ETFBKMT: variants seen among roughly 807,000 people sequenced by gnomAD.
The protein encoded by ETFBKMT is electron transfer flavoprotein subunit beta lysine methyltransferase.
In ETFBKMT, 13 loss-of-function variants were observed where a neutral mutation model predicts 18.3. The ratio of observed to expected loss-of-function variants is 0.71; its 90% CI spans 0.46 to 1.13. The LOEUF is 1.13. Among genes scored for constraint, ETFBKMT ranks in the 50% most tolerant of loss-of-function variants. The pLI, the probability that ETFBKMT is intolerant of heterozygous loss-of-function variation, is 0.00. For missense variants in ETFBKMT, 293 were observed against 306.2 expected, an observed-to-expected ratio of 0.96 and a Z score of 0.32; for synonymous variants, 84 against 107.9, an observed-to-expected ratio of 0.78 and a Z score of 1.37.
intron 1 of ETFBKMT, among the ~76,000 whole-genome samples, chr12:31,648,568 T>C (rs1395329226): frequency 9.6e-6 from 1 of 104,544 alleles, no homozygotes; most frequent in African/African-American, 2.9e-5. Flanking sequence ...TTTTTTTTTT[T>C]TTTTTTTTTT....
At chr12:31,660,350 T>C (rs1951107091) in intron 1 of ETFBKMT, among the ~76,000 whole-genome samples, 1 of 152,124 alleles carries the variant, frequency 6.6e-6, no homozygotes. Context: ...CACTCATTTA[T>C]GATGTCCAGC....
chr12:31,661,979 C>T lies in ETFBKMT; in HGVS notation c.26C>T (p.Ala9Val). 6.8e-6 allele frequency: 11 copies of T among 1,614,076 alleles called. No individual in the cohort carries two copies. The highest frequency in any genetic ancestry group is 9.3e-6 in the Non-Finnish European group (11 of 1,179,972). The change falls in exon 2 of 4, where the codon GCA (alanine) becomes GTA (valine). Residue 9 changes from alanine to valine, a missense_variant. Physicochemically the swap from Ala to Val is moderately conservative, Grantham distance 64 (BLOSUM62 0). Transcript: ENST00000357721. The part of the protein sequence containing the change: MALSLGWK[A>V]HRNHCGLLLQ... Reference sequence around the variant, plus strand: ...ATGGCTTTGAGTCTAGGTTGGAAAGCACACAGGAACCACTGTGGTCTCCTC... The same window carrying T: ...ATGGCTTTGAGTCTAGGTTGGAAAGTACACAGGAACCACTGTGGTCTCCTC...
intron 3 of ETFBKMT, 137 bp from the exon 4 acceptor site, chr12:31,667,510 T>G (rs1037191660): frequency 9.0e-6 from 6 of 665,364 alleles, no homozygotes; most frequent in African/African-American, 3.6e-5. Context: ...CCTTTATACT[T>G]CTCTACTTTA....
chr12:31,657,243 G>T (rs1411034020), upstream of ETFBKMT, among the ~76,000 whole-genome samples: 1 of 152,138 alleles, frequency 6.6e-6, no homozygotes, highest in Admixed American at 6.5e-5. Context: ...GGTATTTAAA[G>T]TAAAAAAATC....
chr12:31,651,059 C>T (rs974640233), intron 1 of ETFBKMT, among the ~76,000 whole-genome samples: 1 of 152,018 alleles, frequency 6.6e-6, no homozygotes, highest in Non-Finnish European at 1.5e-5. Flanking sequence ...TCAGAAGGGA[C>T]GTGGAGAACA....
Position 31,667,795 on chromosome 12 carries a change from T to C in ETFBKMT, c.594T>C (p.Ser198=). ...TTTATGATGAAGACCTTGCAGATAGTCTTCATCAGTGGCTGAAGAAGTGCT... is the reference window on the plus strand; with the variant it reads ...TTTATGATGAAGACCTTGCAGATAGCCTTCATCAGTGGCTGAAGAAGTGCT... ...DMFYDEDLAD[S]LHQWLKKCFW... The change falls in exon 4 of 4, where the codon AGT becomes AGC. Residue 198 remains serine, a synonymous_variant. Transcript: ENST00000357721. The C allele has an allele frequency of 6.2e-7, 1 of 1,614,236 alleles. No individual in the cohort carries two copies. Among genetic ancestry groups the C allele is most frequent in the Non-Finnish European group, 8.5e-7 (1 of 1,180,052 alleles).
At chr12:31,663,312 C>G (rs186355334) in intron 2 of ETFBKMT, among the ~76,000 whole-genome samples, 1 of 152,042 alleles carries the variant, frequency 6.6e-6, no homozygotes, top group African/African-American at 2.4e-5. Flanking sequence ...AGGCTGGTCT[C>G]GAACTTCTGA....
chr12:31,661,020 A>T (rs1250801488), intron 1 of ETFBKMT: 1 of 151,990 alleles, frequency 6.6e-6, no homozygotes, highest in Non-Finnish European at 1.5e-5. Context: ...ATAGCAATAT[A>T]AAATTACAAC....
At chr12:31,665,286 G>T (rs1951180280) in intron 2 of ETFBKMT, among the ~76,000 whole-genome samples, 1 of 152,212 alleles carries the variant, frequency 6.6e-6, no homozygotes, top group South Asian at 2.1e-4. Flanking sequence ...TCAGTCAGTT[G>T]TGTGGTACTG....
chr12:31,650,625 AC>A (rs199959433), intron 1 of ETFBKMT, among the ~76,000 whole-genome samples: 5 of 91,838 alleles, frequency 5.4e-5, no homozygotes, highest in Admixed American at 1.2e-4. Context: ...AAATGACCTG[AC>A]CTTTTTTTTT....
chr12:31,664,592 G>GT (rs1951169675), intron 2 of ETFBKMT, among the ~76,000 whole-genome samples: 1 of 151,142 alleles, frequency 6.6e-6, no homozygotes, highest in Non-Finnish European at 1.5e-5. Flanking sequence ...AGGAGGCACA[G>GT]TATTTATACA....
chr12:31,661,925 G>T lies in ETFBKMT; in HGVS notation c.-29G>T. 6.2e-7 allele frequency: 1 copy of T among 1,604,102 alleles called. No individual in the cohort carries two copies. The highest frequency in any genetic ancestry group is 1.1e-5 in the South Asian group (1 of 90,344). On this transcript the variant is annotated 5_prime_UTR_variant, in exon 2 of 4. Coordinates refer to ENST00000357721, the MANE Select transcript of ETFBKMT (RefSeq NM_001135863.2). ...AAGCAGCTATTATCAACAGAACATT[G>T]ACAGAACCTGTGTTTGGGGAAAGGA...
At chr12:31,660,508 T>G (rs1330661100) in intron 1 of ETFBKMT, among the ~76,000 whole-genome samples, 2 of 152,174 alleles carry the variant, frequency 1.3e-5, no homozygotes, top group Admixed American at 1.3e-4. Context: ...TTTATTCTAA[T>G]CCGGGTGTTT....
intron 1 of ETFBKMT, among the ~76,000 whole-genome samples, chr12:31,648,235 T>C (rs1196734118): frequency 6.6e-6 from 1 of 152,224 alleles, no homozygotes; most frequent in African/African-American, 2.4e-5. Context: ...CACAGGGGAT[T>C]CGTTTCAGGA....
chr12:31,669,893 C>T lies in ETFBKMT; in HGVS notation c.*1903C>T, dbSNP rs1290028599. The T allele has an allele frequency of 1.3e-5, 2 of 151,010 alleles. No homozygotes were observed. Among genetic ancestry groups the T allele is most frequent in the African/African-American group, 4.9e-5 (2 of 40,940 alleles). The allele number at this position is 151,010 out of a possible 1,614,324, so 9.4% of individuals were successfully genotyped here. ...GGAGTGCAATGGCGTGATCTTGGCT[C>T]ACTGCAACCTCCACCTCCTGGGTTA... is the stretch of plus-strand genomic sequence containing the variant. On this transcript the variant is annotated 3_prime_UTR_variant, in exon 4 of 4. Transcript: ENST00000357721.
At chr12:31,647,191 C>CA (rs1485160924) in exon 1 of ETFBKMT, 2 of 152,418 alleles carry the variant, frequency 1.3e-5, no homozygotes, top group Non-Finnish European at 2.9e-5. Context: ...CTAAGCCTCA[C>CA]AGTCCAGGCC....
intron 2 of ETFBKMT, among the ~76,000 whole-genome samples, chr12:31,663,316 C>T (rs1951152081): frequency 6.6e-6 from 1 of 152,180 alleles, no homozygotes; most frequent in African/African-American, 2.4e-5. Flanking sequence ...TGGTCTCGAA[C>T]TTCTGACCTC....
intron 2 of ETFBKMT, among the ~76,000 whole-genome samples, chr12:31,665,417 A>G (rs1027436881): frequency 3.3e-5 from 5 of 152,212 alleles, no homozygotes; most frequent in African/African-American, 9.6e-5. Flanking sequence ...CCAAGGTTGG[A>G]CCAAGTTCTG....
At chr12:31,662,327 A>G in intron 2 of ETFBKMT, 60 bp downstream of exon 2, 2 of 1,514,188 alleles carry the variant, frequency 1.3e-6, no homozygotes, top group South Asian at 2.4e-5. Context: ...AGTTCCCTCC[A>G]ACCTCTACAA....
Sources: allele counts gnomAD v4.1 joint callset (sites outside exome capture counted in the v4.1 genomes callset), GRCh38; gene constraint gnomAD v4.1.1; transcripts MANE v1.5; gene names NCBI Gene and HGNC (gene_info 2026-07-23, HGNC 2026-07-21).